The following GRID1 variants were observed in gnomAD, a reference collection of about 807,000 sequenced individuals.
GRID1 encodes glutamate ionotropic receptor delta type subunit 1, also known as glutamate receptor ionotropic, delta-1.
A neutral mutation model predicts 98.0 loss-of-function variants in GRID1; 28 were observed. The ratio of observed to expected loss-of-function variants is 0.29; its 90% CI spans 0.21 to 0.39. The LOEUF is 0.39. GRID1 is among the 10% of genes least tolerant of loss of function. The pLI is 1.00. For synonymous variants in GRID1, 553 were observed against 538.5 expected, an observed-to-expected ratio of 1.03 and a Z score of -0.37; for missense variants, 1,111 against 1,340.5, an observed-to-expected ratio of 0.83 and a Z score of 2.67.
intron 4 of GRID1, among the ~76,000 whole-genome samples, chr10:86,035,875 T>C (rs1451147671): frequency 6.7e-6 from 1 of 150,048 alleles, no homozygotes; most frequent in African/African-American, 2.5e-5. Context: ...AAAATAGGGG[T>C]GGTAAAATAT....
intron 2 of GRID1, among the ~76,000 whole-genome samples, chr10:86,356,855 C>T (rs1319942603): frequency 6.6e-6 from 1 of 152,204 alleles, no homozygotes; most frequent in Admixed American, 6.5e-5. Context: ...AAGGGATGCT[C>T]TGAGTTGTTA....
At chr10:85,624,438 T>C (rs1235101059) in intron 13 of GRID1, among the ~76,000 whole-genome samples, 3 of 152,196 alleles carry the variant, frequency 2.0e-5, no homozygotes, top group Non-Finnish European at 4.4e-5. Context: ...CCTTGAGCTG[T>C]CTGCAGAGCC....
chr10:86,284,372 CT>C (rs1473237208), intron 2 of GRID1, among the ~76,000 whole-genome samples: 2 of 152,208 alleles, frequency 1.3e-5, no homozygotes. Flanking sequence ...CCTCTAGCAG[CT>C]CAGCCACCTC....
chr10:86,291,949 T>C (rs935005700), intron 2 of GRID1, among the ~76,000 whole-genome samples: 1 of 152,140 alleles, frequency 6.6e-6, no homozygotes, highest in Non-Finnish European at 1.5e-5. Flanking sequence ...TGAGAAGGAC[T>C]CAAACCCAGG....
chr10:85,751,047 T>C (rs1029678605), intron 8 of GRID1, among the ~76,000 whole-genome samples: 1 of 152,066 alleles, frequency 6.6e-6, no homozygotes, highest in African/African-American at 2.4e-5. Flanking sequence ...ATGTGTTGGA[T>C]AGGTGGGCCC....
chr10:85,850,972 A>G (rs1198473422), intron 8 of GRID1, among the ~76,000 whole-genome samples: 20 of 152,118 alleles, frequency 1.3e-4, no homozygotes, highest in Non-Finnish European at 2.9e-5. Flanking sequence ...CGCTCCCTAC[A>G]CCCAGCAGCT....
At chr10:85,924,937 T>A (rs747992807) in intron 4 of GRID1, among the ~76,000 whole-genome samples, 12 of 152,188 alleles carry the variant, frequency 7.9e-5, no homozygotes, top group Non-Finnish European at 4.4e-5. Flanking sequence ...ATCCTTCAGA[T>A]GAAATAGAGG....
At chr10:86,074,364 G>A (rs903876631) in intron 4 of GRID1, among the ~76,000 whole-genome samples, 4 of 151,964 alleles carry the variant, frequency 2.6e-5, no homozygotes, top group African/African-American at 9.7e-5. Flanking sequence ...CATTCTACCC[G>A]CTACCGCCAC....
chr10:85,639,743 C>T (rs933680788), intron 13 of GRID1, among the ~76,000 whole-genome samples: 1 of 152,132 alleles, frequency 6.6e-6, no homozygotes, highest in East Asian at 1.9e-4. Context: ...CATGGTGGCA[C>T]ATGCCTGTAA....
intron 4 of GRID1, among the ~76,000 whole-genome samples, chr10:85,944,210 C>T (rs1463765685): frequency 2.0e-5 from 3 of 152,184 alleles, no homozygotes; most frequent in Non-Finnish European, 4.4e-5. Context: ...AACTGGTGGC[C>T]CACAGAATTG....
chr10:86,085,184 G>C (rs1844033496), intron 4 of GRID1, among the ~76,000 whole-genome samples: 1 of 152,162 alleles, frequency 6.6e-6, no homozygotes. Context: ...CCTACCTTTG[G>C]AGTGAGCAGG....
Position 85,859,297 on chromosome 10 carries a change from G to C in GRID1, c.952-3107C>G, listed in dbSNP as rs562502417. On this transcript the variant is annotated intron_variant, in intron 6 of 15. Coordinates refer to ENST00000327946, the MANE Select transcript of GRID1 (RefSeq NM_017551.3). ...TATGCACAAATGGAAGGATAGATGA[G>C]TGTGTAGATGTATAGGTAAATGGAT... Among the ~76,000 whole-genome samples the C allele has an allele frequency of 3.2e-4, 49 of 152,258 alleles. No individual in the cohort carries two copies. The South Asian group carries it at 6.0e-3, about 19-fold the overall frequency.
intron 4 of GRID1, among the ~76,000 whole-genome samples, chr10:85,997,140 G>T (rs12767244): frequency 6.6e-6 from 1 of 152,126 alleles, no homozygotes; most frequent in Non-Finnish European, 1.5e-5. Flanking sequence ...GGTGGCTCAC[G>T]CCTGTAATCT....
At chr10:86,282,581 A>C (rs1847371818) in intron 2 of GRID1, among the ~76,000 whole-genome samples, 2 of 152,202 alleles carry the variant, frequency 1.3e-5, no homozygotes, top group African/African-American at 4.8e-5. Context: ...TTTGCATGTA[A>C]GTAAAGAGCG....
intron 4 of GRID1, among the ~76,000 whole-genome samples, chr10:86,007,453 C>T (rs1842874280): frequency 6.6e-6 from 1 of 152,192 alleles, no homozygotes; most frequent in Non-Finnish European, 1.5e-5. Flanking sequence ...AACCCAACTG[C>T]TCTGCAGGAG....
chr10:85,607,836 GA>G (rs1270663552), intron 15 of GRID1, among the ~76,000 whole-genome samples: 25 of 98,696 alleles, frequency 2.5e-4, no homozygotes, highest in African/African-American at 8.3e-4. Context: ...TTGTTTGTTT[GA>G]GACAGGGTCT....
At chr10:85,751,338 A>G (rs1842044022) in intron 8 of GRID1, among the ~76,000 whole-genome samples, 2 of 152,216 alleles carry the variant, frequency 1.3e-5, no homozygotes, top group Non-Finnish European at 2.9e-5. Flanking sequence ...TTGCCTTGGG[A>G]CCAGATTTCA....
At chr10:86,145,526 C>T (rs1381533234) in intron 3 of GRID1, among the ~76,000 whole-genome samples, 1 of 124,340 alleles carries the variant, frequency 8.0e-6, no homozygotes, top group East Asian at 2.1e-4. Flanking sequence ...GCTCTTTGCC[C>T]ACTCCTGGAC....
chr10:85,738,602 G>C (rs1391482138), intron 8 of GRID1, among the ~76,000 whole-genome samples: 2 of 152,148 alleles, frequency 1.3e-5, no homozygotes, highest in Non-Finnish European at 2.9e-5. Flanking sequence ...TCCAAATGTG[G>C]ATCAGCTGGT....
Sources: gnomAD v4.1 joint callset for allele counts (sites outside exome capture counted in the v4.1 genomes callset) on GRCh38, gnomAD v4.1.1 for gene constraint, MANE v1.5 for transcripts, NCBI Gene and HGNC (gene_info 2026-07-23, HGNC 2026-07-21) for gene names.